The following DSCAM variants were observed in gnomAD, a reference collection of about 807,000 sequenced individuals.
DSCAM encodes the protein cell adhesion molecule DSCAM.
DSCAM carries 47 observed loss-of-function variants against 217.7 expected under a neutral mutation model. The ratio of observed to expected loss-of-function variants is 0.22; its 90% CI spans 0.17 to 0.28. The LOEUF (loss-of-function observed/expected upper bound fraction) is 0.28. Among genes scored for constraint, DSCAM ranks in the 10% least tolerant of loss-of-function variants. DSCAM has a pLI of 1.00. For missense variants in DSCAM, 2,080 were observed against 2,618.3 expected (o/e 0.79, Z 4.49); for synonymous variants, 1,056 against 1,015.3 (o/e 1.04, Z -0.76).
Position 40,228,643 on chromosome 21 carries a change from C to CTT in DSCAM, c.2357-39407_2357-39406dup, listed in dbSNP as rs566256586. ...CTTTCTTTCCCCCTCCACCTCTTTT[C>CTT]TTTTTTTTTTTTTTCTTGGTACTTC... On this transcript the variant is annotated intron_variant, in intron 11 of 32. Coordinates refer to ENST00000400454, the MANE Select transcript of DSCAM (RefSeq NM_001389.5). Among the ~76,000 whole-genome samples, 8 of 134,788 alleles carry CTT rather than the reference C, an allele frequency of 5.9e-5. No individual in the cohort carries two copies. In the South Asian group the frequency reaches 9.3e-4, roughly 16 times the overall value. The allele number at this position is 134,788 out of a possible 152,430, so 88.4% of individuals were successfully genotyped here.
rs536274472 is a variant in DSCAM, at chr21:40,704,811, G to A, written c.361+3643C>T. ...CCAGTAGGAGTCATCTATGATGACT[G>A]CAACAGGGAAGGGTAATTCAACTTC... On this transcript the variant is annotated intron_variant, in intron 2 of 32. Transcript: ENST00000400454. Among the ~76,000 whole-genome samples the A allele has an allele frequency of 3.3e-5, 5 of 152,308 alleles. No individual in the cohort carries two copies. In the South Asian group the frequency reaches 8.3e-4, roughly 25 times the overall value.
At chr21:40,632,175 G>T (rs893551184) in intron 3 of DSCAM, among the ~76,000 whole-genome samples, 1 of 152,174 alleles carries the variant, frequency 6.6e-6, no homozygotes, top group African/African-American at 2.4e-5. Flanking sequence ...GTGCTCAGGG[G>T]TTCATGAGCC....
chr21:40,028,845 C>G (rs1251806274), intron 32 of DSCAM, among the ~76,000 whole-genome samples: 1 of 152,214 alleles, frequency 6.6e-6, no homozygotes, highest in Non-Finnish European at 1.5e-5. Flanking sequence ...CCTATTCGCA[C>G]TTATTTTCCA....
At chr21:40,499,816 T>G (rs913095173) in intron 3 of DSCAM, among the ~76,000 whole-genome samples, 17 of 152,188 alleles carry the variant, frequency 1.1e-4, no homozygotes, top group African/African-American at 3.9e-4. Context: ...TGTCTCACTC[T>G]GTCACCCAGG....
In DSCAM at chr21:40,312,341, G is replaced by T. The variant is rs949602080; in HGVS notation, c.1802C>A (p.Pro601His). ...AATGGAGAATCTTGGAAACTCAAAG[G>T]GTTGTATGAAAGGCGGAACTGCAAG... ...VTVKVPPFIQ[P>H]FEFPRFSIGQ... The change falls in exon 9 of 33, where the codon CCC (proline) becomes CAC (histidine). Residue 601 changes from proline to histidine, a missense_variant. Transcript: ENST00000400454. 5.0e-6 allele frequency: 8 copies of T among 1,613,514 alleles called. No individual in the cohort carries two copies. The highest frequency in any genetic ancestry group is 6.8e-6 in the Non-Finnish European group (8 of 1,179,714).
chr21:40,670,197 C>T (rs1050736374), intron 3 of DSCAM, among the ~76,000 whole-genome samples: 15 of 152,170 alleles, frequency 9.9e-5, no homozygotes, highest in Non-Finnish European at 2.1e-4. Context: ...ATAAAACTTA[C>T]TATCTTACCC....
intron 11 of DSCAM, among the ~76,000 whole-genome samples, chr21:40,272,535 A>C (rs2073632697): frequency 6.6e-6 from 1 of 152,062 alleles, no homozygotes; most frequent in Non-Finnish European, 1.5e-5. Context: ...TTATTTTTGG[A>C]GTGATGTTTC....
intron 1 of DSCAM, among the ~76,000 whole-genome samples, chr21:40,840,830 G>C (rs1391835896): frequency 2.0e-5 from 3 of 152,148 alleles, no homozygotes; most frequent in African/African-American, 7.2e-5. Context: ...CAATCAGCTA[G>C]AGGCAGAAGA....
At chr21:40,505,801 C>T (rs1261966783) in intron 3 of DSCAM, among the ~76,000 whole-genome samples, 2 of 152,180 alleles carry the variant, frequency 1.3e-5, no homozygotes, top group African/African-American at 4.8e-5. Flanking sequence ...CAGTGCTTCT[C>T]ATTTAAAATC....
At chr21:40,475,938 G>T (rs1487251020) in intron 3 of DSCAM, among the ~76,000 whole-genome samples, 1 of 151,886 alleles carries the variant, frequency 6.6e-6, no homozygotes, top group Non-Finnish European at 1.5e-5. Context: ...TTCCATTTTT[G>T]ATTTTGTAGG....
At chr21:40,728,306 A>C (rs963443098) in intron 1 of DSCAM, among the ~76,000 whole-genome samples, 1 of 152,210 alleles carries the variant, frequency 6.6e-6, no homozygotes, top group East Asian at 1.9e-4. Flanking sequence ...AAAGAGTCTC[A>C]ACAAATATTT....
chr21:40,494,038 T>C (rs1159843253), intron 3 of DSCAM, among the ~76,000 whole-genome samples: 3 of 151,808 alleles, frequency 2.0e-5, no homozygotes, highest in East Asian at 3.9e-4. Flanking sequence ...CAAAAACCTA[T>C]AGTAGACACA....
intron 10 of DSCAM, among the ~76,000 whole-genome samples, chr21:40,294,116 A>G (rs2073927273): frequency 6.6e-6 from 1 of 152,202 alleles, no homozygotes; most frequent in African/African-American, 2.4e-5. Context: ...GATATTGGAT[A>G]TGAAATTTAA....
chr21:40,573,490 T>G (rs1046382974), intron 3 of DSCAM, among the ~76,000 whole-genome samples: 1 of 151,796 alleles, frequency 6.6e-6, no homozygotes, highest in Non-Finnish European at 1.5e-5. Flanking sequence ...TGAATGAAAA[T>G]GAAAACACAA....
chr21:40,518,129 T>C (rs1173947987), intron 3 of DSCAM, among the ~76,000 whole-genome samples: 1 of 150,712 alleles, frequency 6.6e-6, no homozygotes, highest in Non-Finnish European at 1.5e-5. Flanking sequence ...ACCTCGATAC[T>C]GAGTATTCCT....
intron 11 of DSCAM, among the ~76,000 whole-genome samples, chr21:40,233,669 G>A (rs749394492): frequency 2.3e-4 from 35 of 152,082 alleles, no homozygotes; most frequent in Non-Finnish European, 4.7e-4. Context: ...CCTGGTGTAT[G>A]CCCTTTCATA....
intron 3 of DSCAM, among the ~76,000 whole-genome samples, chr21:40,682,611 G>GAGAGAAAGAAAGAA (rs1568981435): frequency 2.3e-5 from 2 of 85,692 alleles, no homozygotes; most frequent in African/African-American, 1.0e-4. Flanking sequence ...GAGAAAGAAA[G>GAGAGAAAGAAAGAA]AAAGAGAAAG....
chr21:40,018,720 T>TA (rs2146415949), intron 32 of DSCAM, among the ~76,000 whole-genome samples: 1 of 152,306 alleles, frequency 6.6e-6, no homozygotes, highest in South Asian at 2.1e-4. Flanking sequence ...GGGCTCCCAC[T>TA]TCAGATGTAG....
chr21:40,070,330 A>C (rs973005639), intron 27 of DSCAM, among the ~76,000 whole-genome samples: 23 of 138,290 alleles, frequency 1.7e-4, no homozygotes, highest in African/African-American at 6.1e-4. Flanking sequence ...GAAGGAAAGA[A>C]GGAAGGTAGG....
Sources: allele counts gnomAD v4.1 joint callset (sites outside exome capture counted in the v4.1 genomes callset), GRCh38; gene constraint gnomAD v4.1.1; transcripts MANE v1.5; gene names NCBI Gene and HGNC (gene_info 2026-07-23, HGNC 2026-07-21).